Variants in RNF220 observed in about 807,000 individuals in gnomAD.
The protein encoded by RNF220 is E3 ubiquitin-protein ligase RNF220.
Under a neutral mutation model 67.1 loss-of-function variants are expected in RNF220, and 7 were observed. The observed-to-expected ratio is 0.10, with a 90% CI of 0.06 to 0.20. The LOEUF (loss-of-function observed/expected upper bound fraction) is 0.20. Ranked by LOEUF, RNF220 falls within the 10% of genes least tolerant of loss-of-function variation. The pLI is 1.00. For synonymous variants in RNF220, 270 were observed against 283.2 expected (o/e 0.95, Z 0.47); for missense variants, 565 against 740.3 (o/e 0.76, Z 2.75).
chr1:44,614,036 T>G (rs1156817209), intron 2 of RNF220, 129 bp from the exon 3 acceptor site: 1 of 1,258,368 alleles, frequency 7.9e-7, no homozygotes, highest in Non-Finnish European at 1.1e-6. Flanking sequence ...TCTGAAACCC[T>G]CAGGCCCCTC....
chr1:44,500,769 G>A (rs1273399394), intron 2 of RNF220, among the ~76,000 whole-genome samples: 3 of 152,070 alleles, frequency 2.0e-5, no homozygotes, highest in African/African-American at 4.8e-5. Flanking sequence ...AATTGCCGCT[G>A]CTGCTGAGGG....
At chr1:44,457,868 G>A (rs547084050) in intron 2 of RNF220, among the ~76,000 whole-genome samples, 35 of 152,300 alleles carry the variant, frequency 2.3e-4, no homozygotes, top group African/African-American at 7.5e-4. Context: ...TTTGGGTAGA[G>A]TGTCAGGGCC....
At chr1:44,582,273 G>C (rs915299604) in intron 2 of RNF220, among the ~76,000 whole-genome samples, 3 of 152,154 alleles carry the variant, frequency 2.0e-5, no homozygotes, top group African/African-American at 7.2e-5. Context: ...CAAAAGCAGG[G>C]GTCCTGCTCC....
At chr1:44,579,394 G>A (rs572388605) in intron 2 of RNF220, among the ~76,000 whole-genome samples, 2 of 152,296 alleles carry the variant, frequency 1.3e-5, no homozygotes, top group South Asian at 4.1e-4. Context: ...GCTTTACTAA[G>A]TGCTAGTGTG....
chr1:44,526,792 A>C (rs1240298879), intron 2 of RNF220, among the ~76,000 whole-genome samples: 4 of 151,906 alleles, frequency 2.6e-5, no homozygotes, highest in Non-Finnish European at 5.9e-5. Context: ...CATCTCACTC[A>C]CATTGCCTCC....
At position 44,565,052 on chromosome 1, in the gene RNF220, C is replaced by T. The variant is rs11591203; in HGVS notation, c.626-49113C>T. 0.23 allele frequency among the ~76,000 whole-genome samples: 35,132 copies of T among 152,028 alleles called. 4,286 individuals are homozygous for T. The highest frequency in any genetic ancestry group is 0.29 in the Middle Eastern group (84 of 294). On this transcript the variant is annotated intron_variant, in intron 2 of 14. Coordinates refer to ENST00000361799, the MANE Select transcript of RNF220 (RefSeq NM_018150.4). The surrounding 1 kb of genome is among the most constrained non-coding windows in gnomAD (Gnocchi z 4.2). ...TCCTTAGCACATAGCATGGGCCTGG[C>T]CTGAATCAACTCCATCCCCTGCGCA...
chr1:44,418,279 G>A (rs1648806871), intron 2 of RNF220, among the ~76,000 whole-genome samples: 1 of 152,154 alleles, frequency 6.6e-6, no homozygotes, highest in East Asian at 1.9e-4. Context: ...GGTTGGGGGA[G>A]CAGGGCGCGT....
chr1:44,625,550 T>C (rs1048847800), intron 4 of RNF220, among the ~76,000 whole-genome samples: 1 of 152,166 alleles, frequency 6.6e-6, no homozygotes, highest in African/African-American at 2.4e-5. Context: ...GGCTCAGAGC[T>C]GTACAGGCTG....
In RNF220 at chr1:44,632,400, G is replaced by GCCCCCGCCCCCCCCCCCCCCC; in HGVS notation, c.949+19_949+20insCGCCCCCCCCCCCCCCCCCCC. On this transcript the variant is annotated intron_variant, in intron 6 of 14. Transcript: ENST00000361799. ...CCGACTGAATGGTGAGTCCTGCCCG[G>GCCCCCGCCCCCCCCCCCCCCC]CCCCTCCCTCCGCCCCACCCCCGGC... The GCCCCCGCCCCCCCCCCCCCCC allele has an allele frequency of 6.2e-7, 1 of 1,607,450 alleles. No individual in the cohort carries two copies. Among genetic ancestry groups the GCCCCCGCCCCCCCCCCCCCCC allele is most frequent in the Non-Finnish European group, 8.5e-7 (1 of 1,177,492 alleles).
At chr1:44,631,361 G>C (rs916282821) in intron 5 of RNF220, among the ~76,000 whole-genome samples, 12 of 152,230 alleles carry the variant, frequency 7.9e-5, no homozygotes, top group African/African-American at 7.2e-5. Flanking sequence ...TTGAGTGTGA[G>C]GGATGGAGAA....
At chr1:44,641,811 G>A (rs770278872) in intron 8 of RNF220, among the ~76,000 whole-genome samples, 3 of 152,234 alleles carry the variant, frequency 2.0e-5, no homozygotes, top group Admixed American at 6.5e-5. Flanking sequence ...CTCAGCTGGA[G>A]GATGGGGTCA....
At chr1:44,592,194 C>T (rs1003009071) in intron 2 of RNF220, among the ~76,000 whole-genome samples, 4 of 152,240 alleles carry the variant, frequency 2.6e-5, no homozygotes, top group Non-Finnish European at 4.4e-5. Context: ...CAGCCTCAGT[C>T]GTGGTATACT....
intron 2 of RNF220, among the ~76,000 whole-genome samples, chr1:44,494,097 T>C (rs529576138): frequency 6.6e-6 from 1 of 151,532 alleles, no homozygotes; most frequent in Non-Finnish European, 1.5e-5. Flanking sequence ...TCCCAGCTAC[T>C]TGGGAGGCTG....
At chr1:44,529,038 T>A (rs1291591521) in intron 2 of RNF220, among the ~76,000 whole-genome samples, 1 of 152,244 alleles carries the variant, frequency 6.6e-6, no homozygotes, top group Non-Finnish European at 1.5e-5. Flanking sequence ...TTTTGTAATG[T>A]GTAGCAAAAT....
At chr1:44,529,041 A>G (rs1660630675) in intron 2 of RNF220, among the ~76,000 whole-genome samples, 1 of 152,256 alleles carries the variant, frequency 6.6e-6, no homozygotes, top group African/African-American at 2.4e-5. Context: ...TGTAATGTGT[A>G]GCAAAATCCT....
chr1:44,536,678 G>C (rs769228349), intron 2 of RNF220, among the ~76,000 whole-genome samples: 1 of 152,042 alleles, frequency 6.6e-6, no homozygotes, highest in African/African-American at 2.4e-5. Context: ...TCTGCCCCTC[G>C]AAAAGGCCCC....
At position 44,636,222 on chromosome 1, in the gene RNF220, A is replaced by G. The variant is rs528771565; in HGVS notation, c.1126+60A>G. The G allele has an allele frequency of 3.8e-6, 6 of 1,565,292 alleles. No individual in the cohort carries two copies. In the African/African-American group the frequency reaches 6.7e-5, roughly 18 times the overall value. On this transcript the variant is annotated intron_variant, in intron 8 of 14. Coordinates refer to ENST00000361799, the MANE Select transcript of RNF220 (RefSeq NM_018150.4). Reference sequence around the variant, plus strand: ...GGTGCCAGGCCTCTGCTGGGTATCCATCTGCTGGAAGCCAAGAGGCCGAGG... The same window carrying G: ...GGTGCCAGGCCTCTGCTGGGTATCCGTCTGCTGGAAGCCAAGAGGCCGAGG...
Position 44,645,593 on chromosome 1 carries a change from G to A in RNF220, c.1445+105G>A. 8.9e-7 allele frequency: 1 copy of A among 1,117,586 alleles called. No individual in the cohort carries two copies. Among genetic ancestry groups the A allele is most frequent in the East Asian group, 2.5e-5 (1 of 39,278 alleles). The allele number at this position is 1,117,586 out of a possible 1,614,324, so 69.2% of individuals were successfully genotyped here. ...GCCAGGGCTTCTGGCCCTCCCAAGTGCAGCTCAGTGCTGCTGCCCTGGGCA... is the reference window on the plus strand; with the variant it reads ...GCCAGGGCTTCTGGCCCTCCCAAGTACAGCTCAGTGCTGCTGCCCTGGGCA... On this transcript the variant is annotated intron_variant, in intron 12 of 14. Transcript: ENST00000361799. The surrounding 1 kb of genome is among the most constrained non-coding windows in gnomAD (Gnocchi z 5.0).
chr1:44,580,054 AAAAGAAAGAAAAGAAAG>A (rs1558061745), intron 2 of RNF220, among the ~76,000 whole-genome samples: 11 of 143,634 alleles, frequency 7.7e-5, no homozygotes, highest in African/African-American at 2.5e-4. Flanking sequence ...AAAAAAAAAA[AAAAGAAAGAAAAGAAAG>A]AAAGAAAGAA....
Sources: allele counts gnomAD v4.1 joint callset (sites outside exome capture counted in the v4.1 genomes callset), GRCh38; gene constraint gnomAD v4.1.1; non-coding constraint Gnocchi (gnomAD v3.1); transcripts MANE v1.5; gene names NCBI Gene and HGNC (gene_info 2026-07-23, HGNC 2026-07-21).